Variants in ST8SIA2 observed in about 807,000 individuals in gnomAD.
ST8SIA2 encodes alpha-2,8-sialyltransferase 8B.
ST8SIA2 carries 22 observed loss-of-function variants against 37.6 expected under a neutral mutation model. The observed-to-expected ratio is 0.58, with a 90% CI of 0.42 to 0.83. The LOEUF (loss-of-function observed/expected upper bound fraction) is 0.83, where lower values mean the gene tolerates loss of function less well. Among genes scored for constraint, ST8SIA2 ranks in the 40% least tolerant of loss-of-function variants. The pLI, the probability that ST8SIA2 is intolerant of heterozygous loss-of-function variation, is 0.00. For missense variants in ST8SIA2, 382 were observed against 484.7 expected (o/e 0.79, Z 1.99); for synonymous variants, 205 against 201.2 (o/e 1.02, Z -0.16).
At position 92,405,516 on chromosome 15, in the gene ST8SIA2, C is replaced by T. The variant is rs1004403607; in HGVS notation, c.98+11354C>T. Among the ~76,000 whole-genome samples, 7 of 152,206 alleles carry T rather than the reference C, an allele frequency of 4.6e-5. No homozygotes were observed. In the South Asian group the frequency reaches 1.2e-3, roughly 27 times the overall value. ...TTTTCCCACAATTGAAACACACACG[C>T]GCGCAAGCAGCCAGAAGAGTGCCTG... On this transcript the variant is annotated intron_variant, in intron 1 of 5. Coordinates refer to ENST00000268164, the MANE Select transcript of ST8SIA2 (RefSeq NM_006011.4).
chr15:92,402,196 G>T (rs1228030435), intron 1 of ST8SIA2, among the ~76,000 whole-genome samples: 1 of 152,162 alleles, frequency 6.6e-6, no homozygotes, highest in East Asian at 1.9e-4. Context: ...ATTCTGAAAA[G>T]CTCATTTCAG....
intron 1 of ST8SIA2, among the ~76,000 whole-genome samples, chr15:92,413,915 C>T (rs2049568689): frequency 2.0e-5 from 3 of 152,346 alleles, no homozygotes; most frequent in South Asian, 4.1e-4. Flanking sequence ...CCATTGCCCT[C>T]AGGGCACCGT....
Position 92,466,697 on chromosome 15 carries a change from T to C in ST8SIA2, c.*2312T>C, listed in dbSNP as rs1259867803. 3.3e-5 allele frequency: 5 copies of C among 150,476 alleles called. No individual in the cohort carries two copies. The highest frequency in any genetic ancestry group is 1.3e-4 in the Admixed American group (2 of 15,116). The allele number at this position is 150,476 out of a possible 1,614,324, so 9.3% of individuals were successfully genotyped here. ...TTCCACCCTGCCTTCAGGTTCTCTC[T>C]GGAGAAAGGTTAGAGACCCCAGGAC... On this transcript the variant is annotated 3_prime_UTR_variant, in exon 6 of 6. Coordinates refer to ENST00000268164, the MANE Select transcript of ST8SIA2 (RefSeq NM_006011.4).
intron 5 of ST8SIA2, among the ~76,000 whole-genome samples, chr15:92,453,270 G>C (rs1014234208): frequency 2.0e-5 from 3 of 152,124 alleles, no homozygotes; most frequent in Non-Finnish European, 4.4e-5. Flanking sequence ...ACCACAGAGA[G>C]ACCTCTCTGA....
chr15:92,448,974 A>T (rs1267818060), intron 5 of ST8SIA2, among the ~76,000 whole-genome samples: 5 of 152,200 alleles, frequency 3.3e-5, no homozygotes, highest in African/African-American at 9.6e-5. Flanking sequence ...TTGTGATAAA[A>T]TATACATAAC....
chr15:92,445,389 G>A (rs979808007), intron 5 of ST8SIA2, among the ~76,000 whole-genome samples: 3 of 152,212 alleles, frequency 2.0e-5, no homozygotes. Flanking sequence ...GGTAACATTG[G>A]AGGATGTGAA....
At chr15:92,434,115 T>G (rs1365811066) in intron 2 of ST8SIA2, 132 bp from the exon 3 acceptor site, 2 of 1,250,236 alleles carry the variant, frequency 1.6e-6, no homozygotes, top group Non-Finnish European at 2.3e-6. Flanking sequence ...CCTTCTCTTC[T>G]CAGGTAATAA....
intron 1 of ST8SIA2, among the ~76,000 whole-genome samples, chr15:92,427,836 T>C (rs2049687822): frequency 6.6e-6 from 1 of 152,198 alleles, no homozygotes; most frequent in African/African-American, 2.4e-5. Flanking sequence ...ATACAAAAAT[T>C]ACCTGGGCGT....
At chr15:92,424,277 C>A (rs775812161) in intron 1 of ST8SIA2, among the ~76,000 whole-genome samples, 122 of 152,246 alleles carry the variant, frequency 8.0e-4, no homozygotes, top group Non-Finnish European at 1.2e-3. Context: ...TAGGAGATTC[C>A]AACATACTGG....
rs771656120 is a variant in ST8SIA2, at chr15:92,451,990, C to A, written c.842+7061C>A. Reference sequence around the variant, plus strand: ...AAAATATTAAGAAAAACAGAAAAGTCTTTTTATGTTTCAAGTAAGAACCAA... The same window carrying A: ...AAAATATTAAGAAAAACAGAAAAGTATTTTTATGTTTCAAGTAAGAACCAA... On this transcript the variant is annotated intron_variant, in intron 5 of 5. Transcript: ENST00000268164. Among the ~76,000 whole-genome samples the A allele has an allele frequency of 7.0e-4, 106 of 152,288 alleles. 1 individual carries two copies. The highest frequency in any genetic ancestry group is 1.2e-3 in the Admixed American group (18 of 15,292).
At chr15:92,421,493 C>G (rs1260831348) in intron 1 of ST8SIA2, among the ~76,000 whole-genome samples, 2 of 152,198 alleles carry the variant, frequency 1.3e-5, no homozygotes, top group East Asian at 3.8e-4. Flanking sequence ...AAATCAAACA[C>G]TGTTCTTACT....
chr15:92,458,952 C>G (rs4777987), intron 5 of ST8SIA2, among the ~76,000 whole-genome samples: 2 of 151,964 alleles, frequency 1.3e-5, no homozygotes, highest in Admixed American at 1.3e-4. Context: ...TCCAGGAAGA[C>G]AGGATGCACG....
In ST8SIA2 at chr15:92,434,344, A is replaced by G; in HGVS notation, c.259A>G (p.Arg87Gly). ...CATCCAGCCAGCCTCGTCCAAATGG[A>G]GACATAACCAGACGCTCTCTCTGAG... ...HNIQPASSKWRHNQTLSLRIR... is the reference protein window; with the variant it reads ...HNIQPASSKWGHNQTLSLRIR... The change falls in exon 3 of 6, where the codon AGA becomes GGA. Residue 87 changes from arginine to glycine, a missense_variant. Coordinates refer to ENST00000268164, the MANE Select transcript of ST8SIA2 (RefSeq NM_006011.4). 1 of 1,614,198 alleles carries G rather than the reference A, an allele frequency of 6.2e-7. No homozygotes were observed. Among genetic ancestry groups the G allele is most frequent in the South Asian group, 1.1e-5 (1 of 91,086 alleles).
intron 1 of ST8SIA2, among the ~76,000 whole-genome samples, chr15:92,408,681 ATTTATTTATTT>A (rs1567211258): frequency 2.0e-5 from 2 of 100,054 alleles, no homozygotes; most frequent in African/African-American, 9.2e-5. Context: ...CATTTTTTTT[ATTTATTTATTT>A]ATTTATTTAT....
intron 1 of ST8SIA2, among the ~76,000 whole-genome samples, chr15:92,423,711 T>C (rs1596237056): frequency 1.3e-5 from 2 of 152,358 alleles, no homozygotes; most frequent in South Asian, 4.1e-4. Context: ...CCCATTCATA[T>C]GGGCAGAGCC....
At chr15:92,454,807 G>A (rs144423393) in intron 5 of ST8SIA2, among the ~76,000 whole-genome samples, 3 of 152,198 alleles carry the variant, frequency 2.0e-5, no homozygotes, top group Non-Finnish European at 4.4e-5. Context: ...GTGAGCAATG[G>A]AGTGGAAGGA....
At chr15:92,402,759 C>T (rs1007442043) in intron 1 of ST8SIA2, among the ~76,000 whole-genome samples, 7 of 152,136 alleles carry the variant, frequency 4.6e-5, no homozygotes, top group Admixed American at 1.3e-4. Flanking sequence ...TCTGCCTCCC[C>T]ACATTTCCTC....
At chr15:92,406,119 G>C (rs990200549) in intron 1 of ST8SIA2, among the ~76,000 whole-genome samples, 1 of 152,230 alleles carries the variant, frequency 6.6e-6, no homozygotes, top group Non-Finnish European at 1.5e-5. Context: ...GGGCACAGCT[G>C]TCTCTTCCCT....
At chr15:92,395,098 C>A (rs1158941919) in intron 1 of ST8SIA2, among the ~76,000 whole-genome samples, 2 of 152,154 alleles carry the variant, frequency 1.3e-5, no homozygotes, top group Non-Finnish European at 2.9e-5. Context: ...GCTCGCCGGG[C>A]CGGGCCCCTC....
Sources: gnomAD v4.1 joint callset for allele counts (sites outside exome capture counted in the v4.1 genomes callset) on GRCh38, gnomAD v4.1.1 for gene constraint, MANE v1.5 for transcripts, NCBI Gene and HGNC (gene_info 2026-07-23, HGNC 2026-07-21) for gene names.